Variants in ROBO1 observed in about 807,000 individuals in gnomAD.
ROBO1 encodes roundabout guidance receptor 1.
ROBO1 carries 149 observed loss-of-function variants against 195.9 expected under a neutral mutation model. The observed-to-expected ratio is 0.76, with a 90% CI of 0.67 to 0.87. ROBO1 has a LOEUF of 0.87. Ranked by LOEUF, ROBO1 falls within the 40% of genes least tolerant of loss-of-function variation. The pLI is 0.00. For synonymous variants in ROBO1, 816 were observed against 733.2 expected, an observed-to-expected ratio of 1.11 and a Z score of -1.82; for missense variants, 1,933 against 2,068.3, an observed-to-expected ratio of 0.93 and a Z score of 1.27.
intron 2 of ROBO1, among the ~76,000 whole-genome samples, chr3:79,310,657 T>A (rs779062935): frequency 5.3e-5 from 8 of 152,156 alleles, no homozygotes; most frequent in Non-Finnish European, 1.0e-4. Context: ...ATGATAGATG[T>A]TTGAGTTGAT....
chr3:79,106,837 T>C (rs2079790913), intron 3 of ROBO1, among the ~76,000 whole-genome samples: 2 of 151,690 alleles, frequency 1.3e-5, no homozygotes, highest in Admixed American at 1.3e-4. Context: ...CACAGGAAAG[T>C]GAAAGTTGTT....
At chr3:79,334,402 A>T (rs2034582423) in intron 2 of ROBO1, among the ~76,000 whole-genome samples, 1 of 148,666 alleles carries the variant, frequency 6.7e-6, no homozygotes, top group African/African-American at 2.5e-5. Flanking sequence ...TCCATCTAAT[A>T]TATTATCTGC....
chr3:78,881,211 C>T (rs533709853), intron 4 of ROBO1, among the ~76,000 whole-genome samples: 1 of 152,240 alleles, frequency 6.6e-6, no homozygotes, highest in African/African-American at 2.4e-5. Context: ...TGAGAGGATT[C>T]TGAGCTGTAC....
chr3:79,383,351 A>T (rs1575753913), intron 2 of ROBO1, among the ~76,000 whole-genome samples: 1 of 152,162 alleles, frequency 6.6e-6, no homozygotes, highest in East Asian at 1.9e-4. Flanking sequence ...TGAGAAAAAA[A>T]TTTCCGTAAG....
In ROBO1 at chr3:79,488,293, C is replaced by A. The variant is rs1939267006; in HGVS notation, c.88+101531G>T. On this transcript the variant is annotated intron_variant, in intron 2 of 30. Coordinates refer to ENST00000464233, the MANE Select transcript of ROBO1 (RefSeq NM_002941.4). ...TCTCTGTCTCTTCCCCTCCGTTTGCCCAACAAATGGAGGGGGAATTTTTTT... is the reference window on the plus strand; with the variant it reads ...TCTCTGTCTCTTCCCCTCCGTTTGCACAACAAATGGAGGGGGAATTTTTTT... Among the ~76,000 whole-genome samples the A allele has an allele frequency of 2.0e-5, 3 of 151,938 alleles. No individual in the cohort carries two copies. In the South Asian group the frequency reaches 6.2e-4, roughly 31 times the overall value.
Position 78,712,450 on chromosome 3 carries a change from C to T in ROBO1, c.1045+1947G>A, listed in dbSNP as rs533392236. ...TCTCAAAAGACGAAAAAAGGCATAT[C>T]TTCTCAGGTTTCCTTTGAATGTTTT... On this transcript the variant is annotated intron_variant, in intron 8 of 30. Transcript: ENST00000464233. Among the ~76,000 whole-genome samples, 15 of 152,212 alleles carry T rather than the reference C, an allele frequency of 9.9e-5. No homozygotes were observed. In the South Asian group the frequency reaches 2.7e-3, roughly 27 times the overall value.
intron 2 of ROBO1, among the ~76,000 whole-genome samples, chr3:79,347,882 C>G (rs920069697): frequency 6.6e-6 from 1 of 152,050 alleles, no homozygotes; most frequent in South Asian, 2.1e-4. Context: ...GAATCATGAG[C>G]CTTAATACCA....
intron 2 of ROBO1, among the ~76,000 whole-genome samples, chr3:79,437,227 G>A (rs115417291): frequency 0.014 from 2,071 of 152,064 alleles, 44 homozygotes; most frequent in African/African-American, 0.047. Context: ...AAGATCCAAT[G>A]AAAGACTGAG....
chr3:78,641,297 G>A (rs576961961), intron 21 of ROBO1, among the ~76,000 whole-genome samples: 250 of 152,194 alleles, frequency 1.6e-3, no homozygotes, highest in African/African-American at 5.8e-3. Flanking sequence ...TCATACCCTA[G>A]CAGGCTGGCC....
At chr3:79,453,001 T>C (rs1289793635) in intron 2 of ROBO1, among the ~76,000 whole-genome samples, 1 of 152,014 alleles carries the variant, frequency 6.6e-6, no homozygotes, top group Non-Finnish European at 1.5e-5. Context: ...TATACATACA[T>C]ATTGTACATA....
intron 1 of ROBO1, among the ~76,000 whole-genome samples, chr3:79,640,466 G>A (rs1425780811): frequency 6.6e-6 from 1 of 151,976 alleles, no homozygotes; most frequent in African/African-American, 2.4e-5. Flanking sequence ...GTCTTCATCA[G>A]CAATGTGAAA....
intron 2 of ROBO1, among the ~76,000 whole-genome samples, chr3:79,283,732 C>G (rs535159095): frequency 6.7e-6 from 1 of 148,870 alleles, no homozygotes; most frequent in Non-Finnish European, 1.5e-5. Flanking sequence ...GAGTCTCGCT[C>G]TGTCGCCCAG....
At chr3:79,548,739 A>G (rs767922491) in intron 2 of ROBO1, among the ~76,000 whole-genome samples, 2 of 152,170 alleles carry the variant, frequency 1.3e-5, no homozygotes, top group Non-Finnish European at 2.9e-5. Context: ...TCCACATCCA[A>G]TGTAGTTGCT....
At chr3:78,797,443 A>C (rs991158981) in intron 4 of ROBO1, among the ~76,000 whole-genome samples, 6 of 152,176 alleles carry the variant, frequency 3.9e-5, no homozygotes, top group Admixed American at 1.3e-4. Context: ...ACTGCACTTA[A>C]GGCTCAGGTA....
At chr3:78,788,748 A>G (rs1357129463) in intron 4 of ROBO1, among the ~76,000 whole-genome samples, 4 of 152,124 alleles carry the variant, frequency 2.6e-5, no homozygotes, top group African/African-American at 9.7e-5. Context: ...ACAAAATATT[A>G]GAGCTTTTTA....
intron 1 of ROBO1, among the ~76,000 whole-genome samples, chr3:79,606,452 A>AT (rs903962841): frequency 3.3e-5 from 5 of 151,596 alleles, no homozygotes; most frequent in East Asian, 1.9e-4. Flanking sequence ...TATTTTCTTA[A>AT]TTTTTTTTAG....
At chr3:79,434,015 G>A (rs2038787706) in intron 2 of ROBO1, among the ~76,000 whole-genome samples, 1 of 152,186 alleles carries the variant, frequency 6.6e-6, no homozygotes, top group Non-Finnish European at 1.5e-5. Context: ...CTAGCCATAT[G>A]TAGAAAGCTG....
intron 1 of ROBO1, among the ~76,000 whole-genome samples, chr3:79,757,359 A>T (rs2107504464): frequency 6.6e-6 from 1 of 152,296 alleles, no homozygotes; most frequent in African/African-American, 2.4e-5. Flanking sequence ...TCCACGTACC[A>T]ACCTGACAGA....
chr3:79,309,064 GA>G (rs146993588), intron 2 of ROBO1, among the ~76,000 whole-genome samples: 18 of 150,034 alleles, frequency 1.2e-4, no homozygotes, highest in Middle Eastern at 3.4e-3. Context: ...GAAAATTGAA[GA>G]AAAAAAAAGC....
Sources: allele counts gnomAD v4.1 joint callset (sites outside exome capture counted in the v4.1 genomes callset), GRCh38; gene constraint gnomAD v4.1.1; transcripts MANE v1.5; gene names NCBI Gene and HGNC (gene_info 2026-07-23, HGNC 2026-07-21).